The following CCNY variants were observed in gnomAD, a reference collection of about 807,000 sequenced individuals.
CCNY encodes the protein cyclin Y.
In CCNY, 19 loss-of-function variants were observed where a neutral mutation model predicts 42.8. That is an observed-to-expected ratio of 0.44 (90% CI 0.31 to 0.65). The LOEUF (loss-of-function observed/expected upper bound fraction) is 0.65. Among genes scored for constraint, CCNY ranks in the 30% least tolerant of loss-of-function variants. The pLI, the probability that CCNY is intolerant of heterozygous loss-of-function variation, is 0.07. For synonymous variants in CCNY, 165 were observed against 162.7 expected, an observed-to-expected ratio of 1.01 and a Z score of -0.11; for missense variants, 370 against 437.3, an observed-to-expected ratio of 0.85 and a Z score of 1.37.
chr10:35,394,987 C>A, intron 1 of CCNY: 1 of 276,808 alleles, frequency 3.6e-6, no homozygotes, highest in East Asian at 1.8e-4. Flanking sequence ...CCCTCCCCCG[C>A]CCCACAATAG....
At chr10:35,485,390 A>G (rs1015423041) in intron 2 of CCNY, among the ~76,000 whole-genome samples, 2 of 152,264 alleles carry the variant, frequency 1.3e-5, no homozygotes, top group Admixed American at 6.5e-5. Context: ...CTTCTAATGA[A>G]CAATTGCTTT....
intron 8 of CCNY, among the ~76,000 whole-genome samples, chr10:35,560,475 G>T (rs1841444478): frequency 6.6e-6 from 1 of 152,152 alleles, no homozygotes; most frequent in Non-Finnish European, 1.5e-5. Context: ...CAGACAGAAG[G>T]ATGAGCATGT....
At chr10:35,491,388 G>A (rs1839891621) in intron 2 of CCNY, among the ~76,000 whole-genome samples, 1 of 152,190 alleles carries the variant, frequency 6.6e-6, no homozygotes, top group South Asian at 2.1e-4. Context: ...TGATGTAACA[G>A]GTACTTTGGG....
At chr10:35,256,485 G>C (rs1219256317) in intron 3 of CCNY, among the ~76,000 whole-genome samples, 1 of 152,030 alleles carries the variant, frequency 6.6e-6, no homozygotes, top group African/African-American at 2.4e-5. Context: ...TGTAATTCCA[G>C]CACTCTGGGG....
chr10:35,426,420 C>T (rs903237458), intron 1 of CCNY, among the ~76,000 whole-genome samples: 3 of 152,150 alleles, frequency 2.0e-5, no homozygotes, highest in African/African-American at 7.2e-5. Context: ...CCCCAGAAAA[C>T]ACCACAGTTC....
intron 4 of CCNY, among the ~76,000 whole-genome samples, chr10:35,520,734 C>G (rs1011201723): frequency 3.3e-5 from 5 of 152,178 alleles, no homozygotes; most frequent in African/African-American, 1.2e-4. Context: ...TCAGTGCTCA[C>G]TCTTTCTGTA....
At chr10:35,412,352 A>G (rs1432019743) in intron 1 of CCNY, among the ~76,000 whole-genome samples, 1 of 152,224 alleles carries the variant, frequency 6.6e-6, no homozygotes, top group African/African-American at 2.4e-5. Context: ...TCAGAGATCA[A>G]TAGAAACCCT....
intron 1 of CCNY, among the ~76,000 whole-genome samples, chr10:35,387,484 G>C (rs1045408446): frequency 6.6e-6 from 1 of 152,116 alleles, no homozygotes; most frequent in Non-Finnish European, 1.5e-5. Context: ...GGAGAAGGAT[G>C]GTGGGAAGAA....
chr10:35,561,495 A>G (rs1308569874), intron 8 of CCNY, among the ~76,000 whole-genome samples: 1 of 152,212 alleles, frequency 6.6e-6, no homozygotes, highest in African/African-American at 2.4e-5. Flanking sequence ...ATCTGTGGTT[A>G]GCTGGTCTCA....
intron 1 of CCNY, among the ~76,000 whole-genome samples, chr10:35,449,558 G>C (rs1361344194): frequency 6.6e-6 from 1 of 151,880 alleles, no homozygotes; most frequent in African/African-American, 2.4e-5. Context: ...GGCTGGTTGA[G>C]AGCTGTAGTT....
intron 2 of CCNY, among the ~76,000 whole-genome samples, chr10:35,492,526 A>C (rs1012147035): frequency 6.6e-6 from 1 of 152,196 alleles, no homozygotes; most frequent in African/African-American, 2.4e-5. Context: ...CATTACGTTC[A>C]GTGCAGTTTG....
intron 1 of CCNY, among the ~76,000 whole-genome samples, chr10:35,429,772 G>T (rs948314845): frequency 2.6e-5 from 4 of 152,244 alleles, no homozygotes; most frequent in Middle Eastern, 3.4e-3. Context: ...TATTATAAAA[G>T]AAATTTCTGT....
At chr10:35,486,103 A>C (rs1170961137) in intron 2 of CCNY, among the ~76,000 whole-genome samples, 1 of 152,170 alleles carries the variant, frequency 6.6e-6, no homozygotes, top group Non-Finnish European at 1.5e-5. Flanking sequence ...TCCCAGACAG[A>C]ACTTAAGAAT....
intron 2 of CCNY, among the ~76,000 whole-genome samples, chr10:35,487,695 C>G (rs1186172225): frequency 6.6e-6 from 1 of 152,106 alleles, no homozygotes; most frequent in Non-Finnish European, 1.5e-5. Context: ...GCTCATCAGA[C>G]CCCTCCAGAG....
intron 3 of CCNY, among the ~76,000 whole-genome samples, chr10:35,301,155 A>G (rs2135073472): frequency 6.6e-6 from 1 of 152,310 alleles, no homozygotes. Flanking sequence ...GAGATCACAC[A>G]AGGATTCAAA....
chr10:35,355,186 G>A (rs1836518068), intron 1 of CCNY, among the ~76,000 whole-genome samples: 1 of 152,130 alleles, frequency 6.6e-6, no homozygotes, highest in Non-Finnish European at 1.5e-5. Flanking sequence ...TGGATAAAGG[G>A]GATGAAGTTG....
At chr10:35,344,724 A>G (rs1279842107) in intron 1 of CCNY, among the ~76,000 whole-genome samples, 1 of 148,640 alleles carries the variant, frequency 6.7e-6, no homozygotes, top group Non-Finnish European at 1.5e-5. Flanking sequence ...ATCCCTCCCC[A>G]CTCCCCCCAC....
At position 35,397,029 on chromosome 10, in the gene CCNY, G is replaced by T. The variant is rs1256170000; in HGVS notation, c.154+59822G>T. 2.6e-5 allele frequency among the ~76,000 whole-genome samples: 4 copies of T among 152,314 alleles called. No individual in the cohort carries two copies. In the South Asian group the frequency reaches 6.2e-4, roughly 24 times the overall value. ...TCAGAGGGAGCAGGTTCTTAGCACT[G>T]CTCACGTGGCAGCTCCAGGTGCCCC... On this transcript the variant is annotated intron_variant, in intron 1 of 9. Coordinates refer to ENST00000374704, the MANE Select transcript of CCNY (RefSeq NM_145012.6).
chr10:35,529,844 T>C (rs1840727567), intron 5 of CCNY, 129 bp from the exon 6 acceptor site: 1 of 816,658 alleles, frequency 1.2e-6, no homozygotes, highest in Non-Finnish European at 1.9e-6. Flanking sequence ...CACTCCAGCC[T>C]GGGCAACAGA....
Sources: gnomAD v4.1 joint callset for allele counts (sites outside exome capture counted in the v4.1 genomes callset) on GRCh38, gnomAD v4.1.1 for gene constraint, MANE v1.5 for transcripts, NCBI Gene and HGNC (gene_info 2026-07-23, HGNC 2026-07-21) for gene names.